ZNF705G: variants seen among roughly 807,000 people sequenced by gnomAD.
The protein encoded by ZNF705G is zinc finger protein 705G.
In ZNF705G, 23 loss-of-function variants were observed where a neutral mutation model predicts 19.6. The observed-to-expected ratio is 1.17, with a 90% CI of 0.84 to 1.66. ZNF705G has a LOEUF of 1.66. Among genes scored for constraint, ZNF705G ranks in the 40% most tolerant of loss-of-function variants. The probability of loss-of-function intolerance (pLI) is 0.00; values close to 1 mark genes in which losing one functional copy is unlikely to be tolerated. For missense variants in ZNF705G, 457 were observed against 354.4 expected (o/e 1.29, Z -2.32); for synonymous variants, 146 against 117.7 (o/e 1.24, Z -1.56).
chr8:7,365,797 A>T (rs1244110859), intron 2 of ZNF705G, among the ~76,000 whole-genome samples: 1 of 149,626 alleles, frequency 6.7e-6, no homozygotes, highest in Non-Finnish European at 1.5e-5. Context: ...GGCTATTTAG[A>T]CACAACTTAG....
At chr8:7,359,782 T>C (rs1806488786) in intron 5 of ZNF705G, 81 bp from the exon 6 acceptor site, 1 of 1,593,990 alleles carries the variant, frequency 6.3e-7, no homozygotes, top group Non-Finnish European at 8.5e-7. Flanking sequence ...CCACGTACTT[T>C]TTTCAAAAAT....
In ZNF705G at chr8:7,357,148, T is replaced by A. The variant is rs1216173788; in HGVS notation, c.*828A>T. On this transcript the variant is annotated 3_prime_UTR_variant, in exon 7 of 7. Transcript: ENST00000400156. ...ACTAAAGAATTTTCTCCTTTCAAGATGCTAACCATGTTTTGTCCAGTGAGA... is the reference window on the plus strand; with the variant it reads ...ACTAAAGAATTTTCTCCTTTCAAGAAGCTAACCATGTTTTGTCCAGTGAGA... 1.3e-5 allele frequency: 2 copies of A among 150,646 alleles called. 1 individual carries two copies. The highest frequency in any genetic ancestry group is 5.1e-5 in the African/African-American group (2 of 39,262). 9.3% of individuals were successfully genotyped at this position (150,646 alleles called of 1,614,324 possible).
In ZNF705G at chr8:7,384,316, G is replaced by T. The variant is rs527867904; in HGVS notation, c.-222+1182C>A. ...TCAGGAAAAAAAAAAATCTTAGGAG[G>T]AGTCAATTGCTACCCAATACCTATC... On this transcript the variant is annotated intron_variant, in intron 1 of 6. Coordinates refer to ENST00000400156, the MANE Select transcript of ZNF705G (RefSeq NM_001164457.3). Among the ~76,000 whole-genome samples, 6 of 145,590 alleles carry T rather than the reference G, an allele frequency of 4.1e-5. No individual in the cohort carries two copies. The East Asian group carries it at 9.7e-4, about 23-fold the overall frequency.
rs1806893786 is a variant in ZNF705G at position 7,367,153 on chromosome 8, G to A, written c.-71-4136C>T. ...GAAGTAACAATTCACACAATAAAAT[G>A]TAATAATGAGATGCTGCCTTGATGG... is the stretch of plus-strand genomic sequence containing the variant. On this transcript the variant is annotated intron_variant, in intron 2 of 6. Transcript: ENST00000400156. Among the ~76,000 whole-genome samples the A allele has an allele frequency of 1.3e-5, 2 of 149,432 alleles. 1 individual carries two copies. Among genetic ancestry groups the A allele is most frequent in the African/African-American group, 5.1e-5 (2 of 38,860 alleles).
At chr8:7,364,280 A>C (rs1288147282) in intron 2 of ZNF705G, among the ~76,000 whole-genome samples, 3 of 149,678 alleles carry the variant, frequency 2.0e-5, no homozygotes, top group Non-Finnish European at 2.9e-5. Flanking sequence ...AAAATATAAA[A>C]ATAATTAAAT....
intron 1 of ZNF705G, 116 bp from the exon 2 acceptor site, chr8:7,381,717 G>C: frequency 6.7e-6 from 1 of 148,414 alleles, no homozygotes; most frequent in Non-Finnish European, 1.5e-5. Context: ...CATAAATATG[G>C]TAATTATAGA....
chr8:7,362,043 G>T (rs558980324), intron 3 of ZNF705G, among the ~76,000 whole-genome samples: 3 of 149,384 alleles, frequency 2.0e-5, no homozygotes, highest in Admixed American at 1.3e-4. Flanking sequence ...ACTTTCTCTC[G>T]GCAATCCAAA....
intron 2 of ZNF705G, among the ~76,000 whole-genome samples, chr8:7,370,169 G>A (rs1807037271): frequency 6.8e-6 from 1 of 147,822 alleles, no homozygotes; most frequent in South Asian, 2.1e-4. Flanking sequence ...TACTTGGGAG[G>A]CTGAGGCAGG....
intron 3 of ZNF705G, among the ~76,000 whole-genome samples, 154 bp from the exon 4 acceptor site, chr8:7,361,390 C>T (rs1806588133): frequency 6.7e-6 from 1 of 149,600 alleles, no homozygotes; most frequent in Middle Eastern, 3.2e-3. Context: ...CTGGTATCTG[C>T]CTTTCAGATT....
At position 7,385,233 on chromosome 8, in the gene ZNF705G, A is replaced by T. The variant is rs190712473; in HGVS notation, c.-222+265T>A. 7.5e-4 allele frequency among the ~76,000 whole-genome samples: 111 copies of T among 147,976 alleles called. 6 individuals carry two copies. In the South Asian group the frequency reaches 0.012, roughly 17 times the overall value. ...GTCAGTGCTCCTTAATCACTTCCCA[A>T]ATGTTCCGCTTCTTAATACTATTGC... On this transcript the variant is annotated intron_variant, in intron 1 of 6. Coordinates refer to ENST00000400156, the MANE Select transcript of ZNF705G (RefSeq NM_001164457.3).
intron 3 of ZNF705G, 40 bp from the exon 4 acceptor site, chr8:7,361,276 C>G: frequency 6.3e-7 from 1 of 1,592,416 alleles, no homozygotes. Flanking sequence ...CAGAGAAATT[C>G]CTTTCAATGT....
At position 7,367,477 on chromosome 8, in the gene ZNF705G, C is replaced by T. The variant is rs145958171; in HGVS notation, c.-71-4460G>A. Among the ~76,000 whole-genome samples, 416 of 149,398 alleles carry T rather than the reference C, an allele frequency of 2.8e-3. 42 individuals are homozygous for T. The highest frequency in any genetic ancestry group is 0.01 in the African/African-American group (390 of 38,882). On this transcript the variant is annotated intron_variant, in intron 2 of 6. Coordinates refer to ENST00000400156, the MANE Select transcript of ZNF705G (RefSeq NM_001164457.3). ...ATAATCTTCCGGGGGCACGCTCCAC[C>T]GGAAAAGGAAAGAAAGCTTCAGATG...
rs375760276 is a variant in ZNF705G at position 7,362,512 on chromosome 8, T to G, written c.12+423A>C. ...TCTTCACTCATCTCTATCGCCTGCA[T>G]TAATCACAATCCTAAGTCTATTTCA... On this transcript the variant is annotated intron_variant, in intron 3 of 6. Transcript: ENST00000400156. Among the ~76,000 whole-genome samples the G allele has an allele frequency of 2.7e-5, 4 of 149,800 alleles. No homozygotes were observed. In the East Asian group the frequency reaches 5.8e-4, roughly 22 times the overall value.
intron 2 of ZNF705G, among the ~76,000 whole-genome samples, chr8:7,367,703 C>G (rs1357474403): frequency 2.7e-5 from 4 of 149,522 alleles, no homozygotes; most frequent in Non-Finnish European, 5.9e-5. Context: ...GAGAATTTTC[C>G]TCTCCTTCCT....
At chr8:7,362,593 G>A (rs770474559) in intron 3 of ZNF705G, among the ~76,000 whole-genome samples, 1 of 149,652 alleles carries the variant, frequency 6.7e-6, no homozygotes, top group Non-Finnish European at 1.5e-5. Context: ...AGGATGGATA[G>A]AAGAAAAAGA....
At chr8:7,379,857 T>G (rs1382571409) in intron 2 of ZNF705G, among the ~76,000 whole-genome samples, 1 of 146,408 alleles carries the variant, frequency 6.8e-6, no homozygotes, top group African/African-American at 2.8e-5. Flanking sequence ...CAGGCAGCTG[T>G]GGCACAATGC....
intron 2 of ZNF705G, among the ~76,000 whole-genome samples, chr8:7,381,222 C>T (rs1408368835): frequency 9.0e-5 from 8 of 88,776 alleles, no homozygotes; most frequent in African/African-American, 5.3e-4. Flanking sequence ...TGTCTGGTAT[C>T]TATTGCAACA....
rs1167352104 is a variant in ZNF705G, at chr8:7,374,933, C to T, written c.-72+6519G>A. 3.7e-4 allele frequency among the ~76,000 whole-genome samples: 35 copies of T among 94,222 alleles called. 11 individuals carry two copies. The highest frequency in any genetic ancestry group is 5.4e-4 in the Non-Finnish European group (26 of 48,076). 61.8% of individuals were successfully genotyped at this position (94,222 alleles called of 152,430 possible). A position where few individuals can be genotyped will look rare whatever the true frequency, so the allele number is the denominator to read the frequency against. On this transcript the variant is annotated intron_variant, in intron 2 of 6. Transcript: ENST00000400156. ...GTTTACAAGAAAGAACAAATGAAAA[C>T]GAAAGATTTTTAAAATCCCTAATGT... is the stretch of plus-strand genomic sequence containing the variant.
chr8:7,360,995 C>A (rs1563290639), intron 4 of ZNF705G, 115 bp downstream of exon 4: 2 of 1,567,660 alleles, frequency 1.3e-6, no homozygotes, highest in African/African-American at 1.5e-5. Flanking sequence ...CAGATGAGAT[C>A]TGTGAGAGAA....
Sources: allele counts gnomAD v4.1 joint callset (sites outside exome capture counted in the v4.1 genomes callset), GRCh38; gene constraint gnomAD v4.1.1; transcripts MANE v1.5; gene names NCBI Gene and HGNC (gene_info 2026-07-23, HGNC 2026-07-21).